The following SAP18 variants were observed in gnomAD, a reference collection of about 807,000 sequenced individuals.
The protein encoded by SAP18 is Sin3A associated protein 18.
SAP18 carries 4 observed loss-of-function variants against 18.6 expected under a neutral mutation model. The ratio of observed to expected loss-of-function variants is 0.21; its 90% CI spans 0.11 to 0.49. SAP18 has a LOEUF of 0.49. SAP18 is among the 20% of genes least tolerant of loss of function. The pLI is 0.98. For synonymous variants in SAP18, 112 were observed against 82.8 expected (o/e 1.35, Z -1.92); for missense variants, 170 against 226.4 (o/e 0.75, Z 1.60).
chr13:21,148,757 G>A lies in SAP18; in HGVS notation c.*1415G>A, dbSNP rs945486791. On this transcript the variant is annotated 3_prime_UTR_variant, in exon 4 of 4. Transcript: ENST00000621421. ...GAATAGCCATGATTAACTGCTATTC[G>A]TGGTGGGGGTGGGGGGGAACCCTAT... The A allele has an allele frequency of 5.3e-5, 8 of 150,834 alleles. No individual in the cohort carries two copies. In the South Asian group the frequency reaches 1.3e-3, roughly 24 times the overall value. The allele number at this position is 150,834 out of a possible 1,614,324, so 9.3% of individuals were successfully genotyped here. A position where few individuals can be genotyped will look rare whatever the true frequency, so the allele number is the denominator to read the frequency against.
At chr13:21,147,441 C>A in exon 4 of SAP18, 1 of 1,094,038 alleles carries the variant, frequency 9.1e-7, no homozygotes, top group Non-Finnish European at 1.3e-6. Context: ...CCTTTAAATT[C>A]TAAACAAATT....
chr13:21,145,663 C>T (rs1490440104), intron 2 of SAP18, among the ~76,000 whole-genome samples: 1 of 152,126 alleles, frequency 6.6e-6, no homozygotes, highest in Middle Eastern at 3.2e-3. Flanking sequence ...CAGATGTGTG[C>T]CACAACGCCT....
Position 21,140,769 on chromosome 13 carries a change from A to T in SAP18, c.129+88A>T, listed in dbSNP as rs183417048. 1.1e-4 allele frequency: 168 copies of T among 1,594,598 alleles called. No homozygotes were observed. In the African/African-American group the frequency reaches 2.1e-3, roughly 20 times the overall value. ...AGGCGCGGCCTGTGTGCTGGAGGAGATGGTGTTTTTGGTCTCGGGGAGGCT... is the reference window on the plus strand; with the variant it reads ...AGGCGCGGCCTGTGTGCTGGAGGAGTTGGTGTTTTTGGTCTCGGGGAGGCT... On this transcript the variant is annotated intron_variant, in intron 1 of 3. Coordinates refer to ENST00000621421, the Ensembl canonical transcript of SAP18.
intron 2 of SAP18, among the ~76,000 whole-genome samples, chr13:21,143,251 A>G (rs1346966370): frequency 2.0e-5 from 3 of 152,174 alleles, no homozygotes; most frequent in African/African-American, 7.2e-5. Context: ...TTACTGGGTC[A>G]TATGTTAACT....
At chr13:21,141,894 T>G (rs975274336) in intron 2 of SAP18, among the ~76,000 whole-genome samples, 2 of 151,642 alleles carry the variant, frequency 1.3e-5, no homozygotes, top group Non-Finnish European at 2.9e-5. Context: ...CTCGAACTCT[T>G]GACCTCAAGT....
intron 2 of SAP18, among the ~76,000 whole-genome samples, chr13:21,144,920 C>G (rs1339889366): frequency 6.6e-6 from 1 of 152,128 alleles, no homozygotes; most frequent in African/African-American, 2.4e-5. Flanking sequence ...AAAATTCTTT[C>G]TGGTATATAT....
intron 3 of SAP18, 38 bp from the exon 4 acceptor site, chr13:21,147,148 G>T (rs904647649): frequency 1.9e-6 from 3 of 1,590,946 alleles, no homozygotes; most frequent in East Asian, 4.5e-5. Flanking sequence ...GGGTTTCATT[G>T]ATTTGGATCC....
chr13:21,148,244 T>G (rs974864022), exon 4 of SAP18: 3 of 152,244 alleles, frequency 2.0e-5, no homozygotes, highest in Non-Finnish European at 4.4e-5. Flanking sequence ...CAATCTTTAT[T>G]TTGTAAAACG....
At chr13:21,146,211 G>A (rs899508229) in intron 2 of SAP18, among the ~76,000 whole-genome samples, 7 of 152,162 alleles carry the variant, frequency 4.6e-5, no homozygotes. Context: ...CCTGGGCGTG[G>A]TGGTGGGCGT....
intron 2 of SAP18, among the ~76,000 whole-genome samples, chr13:21,142,361 C>T (rs925660351): frequency 2.0e-5 from 3 of 151,744 alleles, no homozygotes; most frequent in Non-Finnish European, 4.4e-5. Flanking sequence ...GAATCTCACT[C>T]TGTCACCCAG....
intron 2 of SAP18, among the ~76,000 whole-genome samples, chr13:21,143,433 G>C (rs1164744883): frequency 6.6e-6 from 1 of 152,186 alleles, no homozygotes; most frequent in African/African-American, 2.4e-5. Context: ...TTATGTAGTA[G>C]TATGATACCT....
At chr13:21,140,361 C>T (rs1046908413), upstream of SAP18, among the ~76,000 whole-genome samples, 5 of 152,256 alleles carry the variant, frequency 3.3e-5, no homozygotes, top group African/African-American at 1.2e-4. Context: ...CGGCAACCAA[C>T]TGCTAGGCGA....
intron 2 of SAP18, chr13:21,146,505 A>G (rs1413449189): frequency 5.0e-6 from 1 of 200,026 alleles, no homozygotes; most frequent in East Asian, 1.2e-4. Context: ...ACCCTTAGGT[A>G]AATCACTAGG....
intron 2 of SAP18, 101 bp from the exon 3 acceptor site, chr13:21,146,704 T>A: frequency 1.1e-6 from 1 of 936,118 alleles, no homozygotes; most frequent in East Asian, 2.8e-5. Flanking sequence ...CTAATGTAAA[T>A]CACAACTCAG....
At chr13:21,147,541 T>C in exon 4 of SAP18, 1 of 563,312 alleles carries the variant, frequency 1.8e-6, no homozygotes, top group Non-Finnish European at 3.2e-6. Context: ...CTGTAAAATA[T>C]GAAGAAAAGT....
intron 2 of SAP18, chr13:21,141,214 C>T (rs568067975): frequency 5.1e-5 from 29 of 572,854 alleles, no homozygotes; most frequent in South Asian, 3.8e-4. Context: ...AACTTTTGGG[C>T]GGTTAAGAAT....
chr13:21,146,860 G>T (rs1869668607), exon 3 of SAP18: 1 of 1,613,102 alleles, frequency 6.2e-7, no homozygotes, highest in African/African-American at 1.3e-5. Context: ...CTACCCAGAA[G>T]CTAGAAAGAA....
upstream of SAP18, chr13:21,140,377 G>A (rs1869398372): frequency 4.8e-6 from 3 of 630,520 alleles, no homozygotes; most frequent in East Asian, 2.8e-5. Flanking sequence ...GGCGACGGAC[G>A]CTAAGCACCT....
exon 4 of SAP18, chr13:21,147,706 T>C (rs1869697264): frequency 1.2e-5 from 2 of 171,920 alleles, no homozygotes; most frequent in Non-Finnish European, 2.5e-5. Context: ...AGCCACGGGA[T>C]TGTATGAAAT....
Sources: allele counts gnomAD v4.1 joint callset (sites outside exome capture counted in the v4.1 genomes callset), GRCh38; gene constraint gnomAD v4.1.1; transcripts MANE v1.5; gene names NCBI Gene and HGNC (gene_info 2026-07-23, HGNC 2026-07-21).